Variants in DNAH11 observed in about 807,000 individuals in gnomAD.
DNAH11 encodes axonemal beta dynein heavy chain 11.
DNAH11 carries 442 observed loss-of-function variants against 526.0 expected under a neutral mutation model. That is an observed-to-expected ratio of 0.84 (90% CI 0.78 to 0.91). The LOEUF (loss-of-function observed/expected upper bound fraction) is 0.91, where lower values mean the gene tolerates loss of function less well. Among genes scored for constraint, DNAH11 ranks in the 40% least tolerant of loss-of-function variants. The pLI is 0.00. For missense variants in DNAH11, 6,989 were observed against 5,448.7 expected (o/e 1.28, Z -8.90); for synonymous variants, 2,461 against 1,935.9 (o/e 1.27, Z -7.12).
chr7:21,673,170 G>A (rs1239875982), intron 30 of DNAH11, among the ~76,000 whole-genome samples: 1 of 152,018 alleles, frequency 6.6e-6, no homozygotes, highest in Non-Finnish European at 1.5e-5. Context: ...CACAATCATT[G>A]GAGGCCAGCT....
At chr7:21,850,222 G>A (rs1782573105) in intron 66 of DNAH11, among the ~76,000 whole-genome samples, 3 of 151,530 alleles carry the variant, frequency 2.0e-5, no homozygotes, top group Admixed American at 1.3e-4. Context: ...CAGGTGTGGT[G>A]GTGGGAGCCT....
At chr7:21,654,964 G>A (rs757317120) in intron 28 of DNAH11, among the ~76,000 whole-genome samples, 1 of 152,148 alleles carries the variant, frequency 6.6e-6, no homozygotes, top group Non-Finnish European at 1.5e-5. Flanking sequence ...TGTTCATTCT[G>A]GGGTTGCGGT....
intron 37 of DNAH11, 38 bp from the exon 38 acceptor site, chr7:21,704,396 C>A: frequency 1.9e-6 from 3 of 1,566,680 alleles, no homozygotes; most frequent in South Asian, 1.2e-5. Flanking sequence ...TTTGTTAGAC[C>A]TTGTATTGGC....
intron 20 of DNAH11, among the ~76,000 whole-genome samples, chr7:21,611,936 C>G (rs150328139): frequency 9.6e-4 from 146 of 152,268 alleles, no homozygotes; most frequent in African/African-American, 3.3e-3. Context: ...ATGCTCCAAA[C>G]AATGCCAAAT....
Position 21,739,727 on chromosome 7 carries a change from C to T in DNAH11, c.7914+54C>T, listed in dbSNP as rs758495704. The T allele has an allele frequency of 2.7e-5, 37 of 1,366,474 alleles. No individual in the cohort carries two copies. The East Asian group carries it at 6.1e-4, about 22-fold the overall frequency. 84.6% of individuals were successfully genotyped at this position (1,366,474 alleles called of 1,614,324 possible). ...CTGTAGGTCTGTATTGTATTGTTTTCGAGTACAGCTTAGGATTCCTATGGG... is the reference window on the plus strand; with the variant it reads ...CTGTAGGTCTGTATTGTATTGTTTTTGAGTACAGCTTAGGATTCCTATGGG... On this transcript the variant is annotated intron_variant, in intron 48 of 81. Coordinates refer to ENST00000409508, the MANE Select transcript of DNAH11 (RefSeq NM_001277115.2).
At chr7:21,600,528 G>A (rs1220802869) in intron 15 of DNAH11, 148 bp from the exon 16 acceptor site, 9 of 957,300 alleles carry the variant, frequency 9.4e-6, no homozygotes, top group Admixed American at 2.7e-5. Context: ...GGAAGCACAG[G>A]GAAAAGAGAA....
At chr7:21,807,403 G>A (rs974532066) in intron 62 of DNAH11, among the ~76,000 whole-genome samples, 2 of 152,220 alleles carry the variant, frequency 1.3e-5, no homozygotes, top group Non-Finnish European at 2.9e-5. Flanking sequence ...AGAGGCTGAA[G>A]TGAGAAGATG....
At chr7:21,803,433 T>G (rs1184235498) in intron 62 of DNAH11, among the ~76,000 whole-genome samples, 2 of 152,102 alleles carry the variant, frequency 1.3e-5, no homozygotes, top group Non-Finnish European at 2.9e-5. Context: ...TGCTACACCT[T>G]CAGATTCAAA....
In DNAH11 at chr7:21,765,583, A is replaced by C. The variant is rs1364717745; in HGVS notation, c.9096A>C (p.Gly3032=). 19 of 1,486,120 alleles carry C rather than the reference A, an allele frequency of 1.3e-5. No individual in the cohort carries two copies. Among genetic ancestry groups the C allele is most frequent in the Non-Finnish European group, 1.7e-5 (19 of 1,090,824 alleles). 92.1% of individuals were successfully genotyped at this position (1,486,120 alleles called of 1,614,324 possible). ...VSRRFIEETK[G]IEPVHKDSIS... is the part of the protein sequence containing the mutation. ...GGAGGTTCATTGAGGAAACCAAGGGAATTGAGGTATGCCGTGTCAGCCTGC... is the reference window on the plus strand; with the variant it reads ...GGAGGTTCATTGAGGAAACCAAGGGCATTGAGGTATGCCGTGTCAGCCTGC... The change falls in exon 55 of 82, where the codon GGA becomes GGC. Residue 3032 remains glycine (G), a synonymous_variant. Transcript: ENST00000409508.
At chr7:21,860,852 A>G (rs890489566) in intron 68 of DNAH11, among the ~76,000 whole-genome samples, 2 of 152,182 alleles carry the variant, frequency 1.3e-5, no homozygotes, top group Non-Finnish European at 2.9e-5. Context: ...GGAAGGCGAA[A>G]GGCACTTCTT....
intron 25 of DNAH11, among the ~76,000 whole-genome samples, chr7:21,631,512 G>T (rs1479029950): frequency 6.6e-6 from 1 of 152,140 alleles, no homozygotes; most frequent in Non-Finnish European, 1.5e-5. Context: ...GATAAAATGG[G>T]GGTACAGCTA....
intron 55 of DNAH11, among the ~76,000 whole-genome samples, chr7:21,766,634 TC>T (rs1374966236): frequency 6.6e-6 from 1 of 152,086 alleles, no homozygotes; most frequent in Non-Finnish European, 1.5e-5. Context: ...TGGTTAAAAA[TC>T]TGGTCATATT....
chr7:21,606,410 G>A lies in DNAH11; in HGVS notation c.3649-16G>A, dbSNP rs1224633830. 3.1e-6 allele frequency: 5 copies of A among 1,590,236 alleles called. No individual in the cohort carries two copies. Among genetic ancestry groups the A allele is most frequent in the African/African-American group, 1.3e-5 (1 of 74,132 alleles). On this transcript the variant is annotated splice_polypyrimidine_tract_variant and intron_variant, in intron 18 of 81. Coordinates refer to ENST00000409508, the MANE Select transcript of DNAH11 (RefSeq NM_001277115.2). ...GGAATTGAAGTAATTTCGCATTTGT[G>A]CCTTTGCTTTTGCAGGAATTACCTG... is the stretch of plus-strand genomic sequence containing the variant.
intron 51 of DNAH11, among the ~76,000 whole-genome samples, chr7:21,745,993 T>G (rs1189742438): frequency 2.0e-5 from 3 of 152,154 alleles, no homozygotes; most frequent in South Asian, 4.1e-4. Flanking sequence ...GAGAAAAATA[T>G]AACAAAAATG....
Position 21,861,948 on chromosome 7 carries a change from T to G in DNAH11, c.11298T>G (p.His3766Gln). Residue 3766 changes from histidine (H) to glutamine (Q), a missense_variant, in exon 69 of 82, where the codon CAT (histidine) becomes CAG (glutamine). Coordinates refer to ENST00000409508, the MANE Select transcript of DNAH11 (RefSeq NM_001277115.2). Reference sequence around the variant, plus strand: ...CTATCCTGATGGAGAGCATCACCCATGCTGTCTTCCTCTACACCAGCCAGG... The same window carrying G: ...CTATCCTGATGGAGAGCATCACCCAGGCTGTCTTCCTCTACACCAGCCAGG... ...RISILMESITHAVFLYTSQAL... is the reference protein window; with the variant it reads ...RISILMESITQAVFLYTSQAL... 6.2e-7 allele frequency: 1 copy of G among 1,613,436 alleles called. No individual in the cohort carries two copies. The highest frequency in any genetic ancestry group is 8.5e-7 in the Non-Finnish European group (1 of 1,179,756).
At chr7:21,759,473 C>T (rs1428141394) in intron 54 of DNAH11, among the ~76,000 whole-genome samples, 2 of 152,118 alleles carry the variant, frequency 1.3e-5, no homozygotes, top group South Asian at 2.1e-4. Flanking sequence ...GATACGAGGA[C>T]GATGATAAAG....
In DNAH11 at chr7:21,791,860, T is replaced by C. The variant is rs1182216501; in HGVS notation, c.10026+2518T>C. Reference sequence around the variant, plus strand: ...ATATAGTTGGGAATGGTTGGTGTGTTAGTCTGTTCTCACATTGCTATAAAG... The same window carrying C: ...ATATAGTTGGGAATGGTTGGTGTGTCAGTCTGTTCTCACATTGCTATAAAG... On this transcript the variant is annotated intron_variant, in intron 61 of 81. Coordinates refer to ENST00000409508, the MANE Select transcript of DNAH11 (RefSeq NM_001277115.2). 3.3e-5 allele frequency among the ~76,000 whole-genome samples: 5 copies of C among 152,208 alleles called. No individual in the cohort carries two copies. The South Asian group carries it at 8.3e-4, about 25-fold the overall frequency.
intron 72 of DNAH11, among the ~76,000 whole-genome samples, chr7:21,868,300 C>T (rs1000629104): frequency 1.3e-5 from 2 of 151,942 alleles, no homozygotes; most frequent in Non-Finnish European, 1.5e-5. Context: ...AATCTTGTGC[C>T]CCCTGTGACT....
chr7:21,589,216 G>A lies in DNAH11; in HGVS notation c.1982G>A (p.Gly661Asp). The A allele has an allele frequency of 2.5e-6, 4 of 1,594,940 alleles. No individual in the cohort carries two copies. The highest frequency in any genetic ancestry group is 3.4e-6 in the Non-Finnish European group (4 of 1,175,064). The change falls in exon 12 of 82, where the codon GGC becomes GAC. Residue 661 changes from glycine (G) to aspartate (D), a missense_variant. By Grantham distance (94) the Gly-to-Asp change is moderately conservative. Transcript: ENST00000409508. ...NFASLRYLFL[G>D]NPDHALVYQK... ...AAACCTTATTCCTACAGATTTTTGG[G>A]CAATCCTGATCACGCTTTAGTTTAT...
Sources: gnomAD v4.1 joint callset for allele counts (sites outside exome capture counted in the v4.1 genomes callset) on GRCh38, gnomAD v4.1.1 for gene constraint, MANE v1.5 for transcripts, NCBI Gene and HGNC (gene_info 2026-07-23, HGNC 2026-07-21) for gene names.